Variants in GTF3C1 observed in about 807,000 individuals in gnomAD.
GTF3C1 encodes the protein general transcription factor IIIC subunit 1.
A neutral mutation model predicts 226.7 loss-of-function variants in GTF3C1; 57 were observed. The observed-to-expected ratio is 0.25, with a 90% CI of 0.20 to 0.31. The LOEUF is 0.31. Among genes scored for constraint, GTF3C1 ranks in the 10% least tolerant of loss-of-function variants. GTF3C1 has a pLI of 1.00. For missense variants in GTF3C1, 2,217 were observed against 2,776.1 expected, an observed-to-expected ratio of 0.80 and a Z score of 4.53; for synonymous variants, 1,090 against 1,084.8, an observed-to-expected ratio of 1.00 and a Z score of -0.09.
At chr16:27,541,378 A>T (rs2089079444) in intron 2 of GTF3C1, among the ~76,000 whole-genome samples, 2 of 152,178 alleles carry the variant, frequency 1.3e-5, no homozygotes. Flanking sequence ...CGTGCTGGGG[A>T]GTTCAGATTC....
chr16:27,497,887 C>T (rs2088344241), intron 13 of GTF3C1, 66 bp from the exon 14 acceptor site: 1 of 1,335,978 alleles, frequency 7.5e-7, no homozygotes, highest in East Asian at 2.3e-5. Context: ...AGGACAGAGT[C>T]TGTCTGCATG....
chr16:27,473,244 AG>A (rs2087902682), intron 29 of GTF3C1, among the ~76,000 whole-genome samples: 2 of 152,352 alleles, frequency 1.3e-5, no homozygotes, highest in Admixed American at 1.3e-4. Context: ...CCTAGGCGGA[AG>A]GAAGTACCTC....
intron 12 of GTF3C1, among the ~76,000 whole-genome samples, chr16:27,500,402 T>C (rs1567399809): frequency 6.6e-6 from 1 of 152,238 alleles, no homozygotes; most frequent in Non-Finnish European, 1.5e-5. Context: ...TGTTGTTTCT[T>C]AAGTTTTTTG....
Position 27,461,465 on chromosome 16 carries a change from G to A in GTF3C1, c.6215C>T (p.Pro2072Leu), listed in dbSNP as rs200405518. ...STPVVEEVEVPSSLDESPMAF... is the reference protein window; with the variant it reads ...STPVVEEVEVLSSLDESPMAF... The stretch of plus-strand genomic sequence containing the variant: ...CATGGGGCTCTCGTCCAGGCTGGAG[G>A]GCACTTCCACCTCTTCCACCACGGG... Residue 2072 changes from proline to leucine, a missense_variant, in exon 37 of 37, where the codon CCC (proline) becomes CTC (leucine). Physicochemically the swap from Pro to Leu is moderately conservative, Grantham distance 98. Around this residue, in one of 12 missense-constraint regions of GTF3C1, gnomAD observed 153 missense variants for 199.8 expected, o/e 0.77. Coordinates refer to ENST00000356183, the MANE Select transcript of GTF3C1 (RefSeq NM_001520.4). The surrounding 1 kb of genome is among the most constrained non-coding windows in gnomAD (Gnocchi z 5.3). 443 of 1,613,808 alleles carry A rather than the reference G, an allele frequency of 2.7e-4. No individual in the cohort carries two copies. Among genetic ancestry groups the A allele is most frequent in the East Asian group, 1.5e-3 (67 of 44,868 alleles).
intron 5 of GTF3C1, 42 bp downstream of exon 5, chr16:27,533,247 TAC>T: frequency 1.0e-6 from 1 of 958,670 alleles, no homozygotes; most frequent in Non-Finnish European, 1.7e-6. Flanking sequence ...CCGGCTATGG[TAC>T]AGATCACACC....
chr16:27,498,447 T>A (rs1420025964), intron 13 of GTF3C1, among the ~76,000 whole-genome samples, 183 bp downstream of exon 13: 1 of 152,184 alleles, frequency 6.6e-6, no homozygotes, highest in Non-Finnish European at 1.5e-5. Context: ...GGACTTTTTT[T>A]TTCCCCCTAA....
rs745711712 is a variant in GTF3C1, at chr16:27,465,554, G to A, written c.5075-14C>T. The A allele has an allele frequency of 2.5e-6, 4 of 1,589,928 alleles. No individual in the cohort carries two copies. The highest frequency in any genetic ancestry group is 3.4e-6 in the Non-Finnish European group (4 of 1,174,232). On this transcript the variant is annotated splice_polypyrimidine_tract_variant and intron_variant, in intron 32 of 36. Coordinates refer to ENST00000356183, the MANE Select transcript of GTF3C1 (RefSeq NM_001520.4). ...CCAGAGGAGCGGCTGTGGGGACACA[G>A]AGGAAGATCAGAGGCAGCCCGACAG... is the stretch of plus-strand genomic sequence containing the variant.
chr16:27,541,585 T>C (rs184194364), intron 2 of GTF3C1, among the ~76,000 whole-genome samples: 5 of 152,060 alleles, frequency 3.3e-5, no homozygotes, highest in East Asian at 3.9e-4. Context: ...CCATAAAGAG[T>C]ACTACGATGG....
At position 27,522,054 on chromosome 16, in the gene GTF3C1, A is replaced by T. The variant is rs1054620591; in HGVS notation, c.973+6544T>A. On this transcript the variant is annotated intron_variant, in intron 6 of 36. Coordinates refer to ENST00000356183, the MANE Select transcript of GTF3C1 (RefSeq NM_001520.4). The stretch of plus-strand genomic sequence containing the variant: ...TTGGCCATTTTAACTATCATAATTT[A>T]ATTTGCTATACCTTGCTAGGTTTCT... Among the ~76,000 whole-genome samples, 4 of 152,172 alleles carry T rather than the reference A, an allele frequency of 2.6e-5. No individual in the cohort carries two copies. In the East Asian group the frequency reaches 5.8e-4, roughly 22 times the overall value.
chr16:27,547,310 C>A (rs764651880), intron 1 of GTF3C1, among the ~76,000 whole-genome samples: 16 of 152,320 alleles, frequency 1.1e-4, no homozygotes, highest in Middle Eastern at 3.4e-3. Context: ...CAGTCCCTCC[C>A]TCTGGCCTGC....
At chr16:27,532,088 G>A (rs1355978635) in intron 5 of GTF3C1, among the ~76,000 whole-genome samples, 1 of 152,150 alleles carries the variant, frequency 6.6e-6, no homozygotes, top group Non-Finnish European at 1.5e-5. Flanking sequence ...CAGGAGAGAC[G>A]GCAGGCCCAG....
At chr16:27,541,453 ATAT>A (rs1223292096) in intron 2 of GTF3C1, among the ~76,000 whole-genome samples, 1 of 152,246 alleles carries the variant, frequency 6.6e-6, no homozygotes, top group Non-Finnish European at 1.5e-5. Context: ...TGTGCCAGGC[ATAT>A]TATTATAGAA....
At chr16:27,535,586 A>C (rs542779586) in intron 4 of GTF3C1, among the ~76,000 whole-genome samples, 1 of 151,972 alleles carries the variant, frequency 6.6e-6, no homozygotes, top group East Asian at 1.9e-4. Flanking sequence ...AAAAAAAAAA[A>C]AAAAAAGCCA....
intron 10 of GTF3C1, among the ~76,000 whole-genome samples, chr16:27,503,633 C>T (rs551543890): frequency 7.9e-5 from 12 of 152,312 alleles, no homozygotes; most frequent in African/African-American, 2.2e-4. Context: ...CTTCTATCCC[C>T]GCTAAATTGT....
chr16:27,520,860 A>G (rs1042085893), intron 6 of GTF3C1, among the ~76,000 whole-genome samples: 2 of 152,180 alleles, frequency 1.3e-5, no homozygotes, highest in African/African-American at 4.8e-5. Flanking sequence ...CTGGGATTAC[A>G]GGCACCTGCC....
At chr16:27,524,771 A>G (rs1216313345) in intron 6 of GTF3C1, among the ~76,000 whole-genome samples, 1 of 152,170 alleles carries the variant, frequency 6.6e-6, no homozygotes, top group Non-Finnish European at 1.5e-5. Context: ...TTTCCTTAAC[A>G]CCTTTCTTCC....
intron 2 of GTF3C1, among the ~76,000 whole-genome samples, chr16:27,544,950 A>G (rs1416437127): frequency 6.7e-6 from 1 of 149,802 alleles, no homozygotes; most frequent in Non-Finnish European, 1.5e-5. Flanking sequence ...CAAAGCACTC[A>G]GATTCCCAGG....
intron 10 of GTF3C1, 139 bp downstream of exon 10, chr16:27,505,760 T>C: frequency 3.2e-6 from 2 of 629,328 alleles, no homozygotes. Flanking sequence ...AGCTACTGCC[T>C]GGGAAGCACA....
chr16:27,515,552 C>T (rs1194715450), intron 6 of GTF3C1, among the ~76,000 whole-genome samples: 2 of 152,072 alleles, frequency 1.3e-5, no homozygotes, highest in Admixed American at 1.3e-4. Context: ...AACTGACATC[C>T]ATTCCATCAC....
Sources: allele counts gnomAD v4.1 joint callset (sites outside exome capture counted in the v4.1 genomes callset), GRCh38; gene constraint gnomAD v4.1.1; regional missense constraint gnomAD v4.1.1; non-coding constraint Gnocchi (gnomAD v3.1); transcripts MANE v1.5; gene names NCBI Gene and HGNC (gene_info 2026-07-23, HGNC 2026-07-21).